XPNPEP3: variants seen among roughly 807,000 people sequenced by gnomAD.
XPNPEP3 encodes X-prolyl aminopeptidase 3.
XPNPEP3 carries 41 observed loss-of-function variants against 60.0 expected under a neutral mutation model. That is an observed-to-expected ratio of 0.68 (90% confidence interval 0.53 to 0.89). The LOEUF (loss-of-function observed/expected upper bound fraction) is 0.89, where lower values mean the gene tolerates loss of function less well. XPNPEP3 is among the 40% of genes least tolerant of loss of function. The probability of loss-of-function intolerance (pLI) is 0.00; values close to 1 mark genes in which losing one functional copy is unlikely to be tolerated. For synonymous variants in XPNPEP3, 212 were observed against 223.2 expected (o/e 0.95, Z 0.45); for missense variants, 598 against 638.9 (o/e 0.94, Z 0.69).
intron 4 of XPNPEP3, among the ~76,000 whole-genome samples, chr22:40,897,854 T>C (rs908108946): frequency 6.6e-6 from 1 of 152,180 alleles, no homozygotes; most frequent in African/African-American, 2.4e-5. Context: ...CAGCATATTT[T>C]CATGTGTTTA....
At chr22:40,906,373 A>G (rs1290948841) in intron 4 of XPNPEP3, among the ~76,000 whole-genome samples, 1 of 151,098 alleles carries the variant, frequency 6.6e-6, no homozygotes, top group Non-Finnish European at 1.5e-5. Flanking sequence ...GTGAGTTCTG[A>G]TCACTCCACT....
chr22:40,922,547 A>G, intron 8 of XPNPEP3, 34 bp downstream of exon 8: 1 of 1,610,256 alleles, frequency 6.2e-7, no homozygotes, highest in Non-Finnish European at 8.5e-7. Flanking sequence ...GTTCTCAAGA[A>G]CACCTAGCAT....
At chr22:40,887,707 A>G (rs1314745434) in intron 4 of XPNPEP3, among the ~76,000 whole-genome samples, 1 of 152,192 alleles carries the variant, frequency 6.6e-6, no homozygotes, top group Admixed American at 6.5e-5. Context: ...GCAACAGACT[A>G]CCTCAGAATC....
intron 4 of XPNPEP3, among the ~76,000 whole-genome samples, chr22:40,895,579 C>G (rs1335939587): frequency 6.6e-6 from 1 of 152,050 alleles, no homozygotes; most frequent in Non-Finnish European, 1.5e-5. Flanking sequence ...AGGTGATCCA[C>G]CCACCTCAGC....
intron 1 of XPNPEP3, among the ~76,000 whole-genome samples, chr22:40,864,899 A>G (rs1000031535): frequency 2.1e-4 from 32 of 152,196 alleles, no homozygotes; most frequent in African/African-American, 4.6e-4. Context: ...CCAAACCCCT[A>G]CTGAAGATGG....
At chr22:40,871,509 CT>C (rs998100777) in intron 2 of XPNPEP3, among the ~76,000 whole-genome samples, 7 of 152,222 alleles carry the variant, frequency 4.6e-5, no homozygotes, top group African/African-American at 1.4e-4. Context: ...ATCTCAATGC[CT>C]TTCCTAATTA....
chr22:40,863,315 T>C (rs1306412152), intron 1 of XPNPEP3, among the ~76,000 whole-genome samples: 1 of 152,234 alleles, frequency 6.6e-6, no homozygotes, highest in African/African-American at 2.4e-5. Context: ...CTACCAGTAG[T>C]CTAGACCCGA....
At chr22:40,869,176 A>G (rs2057993588) in intron 2 of XPNPEP3, 61 bp downstream of exon 2, 2 of 1,413,424 alleles carry the variant, frequency 1.4e-6, no homozygotes, top group African/African-American at 1.4e-5. Context: ...ATGCTATGCA[A>G]TAGAACTTCT....
intron 4 of XPNPEP3, among the ~76,000 whole-genome samples, chr22:40,901,082 T>TCC (rs2058130475): frequency 2.0e-5 from 3 of 151,906 alleles, no homozygotes. Flanking sequence ...TAGTGAGACC[T>TCC]CCTCTCTTTT....
intron 4 of XPNPEP3, 53 bp from the exon 5 acceptor site, chr22:40,907,534 G>A (rs987036285): frequency 2.6e-6 from 4 of 1,556,388 alleles, no homozygotes; most frequent in Non-Finnish European, 3.5e-6. Flanking sequence ...GAATGTTTGA[G>A]TAAGCAACAT....
intron 4 of XPNPEP3, among the ~76,000 whole-genome samples, chr22:40,897,940 T>C (rs2058115496): frequency 6.6e-6 from 1 of 152,138 alleles, no homozygotes; most frequent in Admixed American, 6.6e-5. Flanking sequence ...GGCTGGATTT[T>C]TTTGTTGTTG....
intron 2 of XPNPEP3, among the ~76,000 whole-genome samples, chr22:40,879,271 C>T (rs1458285353): frequency 1.3e-5 from 2 of 152,188 alleles, no homozygotes; most frequent in African/African-American, 4.8e-5. Flanking sequence ...TTATCACTCT[C>T]TCTTATTTCT....
chr22:40,877,899 T>C (rs1034823969), intron 2 of XPNPEP3, among the ~76,000 whole-genome samples: 5 of 152,196 alleles, frequency 3.3e-5, no homozygotes, highest in Admixed American at 3.3e-4. Context: ...TGGAAAGGTT[T>C]CTTTTTTCTT....
Position 40,926,342 on chromosome 22 carries a change from T to C in XPNPEP3, c.1431T>C (p.Asp477=). The change falls in exon 10 of 10, where the codon GAT becomes GAC. Residue 477 remains aspartate (D), a synonymous_variant. Coordinates refer to ENST00000357137, the MANE Select transcript of XPNPEP3 (RefSeq NM_022098.4). ...GTCTTGGTGTACGAATTGAGGATGATGTAGTGGTGACTCAGGACTCACCTC... is the reference window on the plus strand; with the variant it reads ...GTCTTGGTGTACGAATTGAGGATGACGTAGTGGTGACTCAGGACTCACCTC... ...FRGLGVRIED[D]VVVTQDSPLI... is the part of the protein sequence containing the mutation. The C allele has an allele frequency of 2.5e-6, 4 of 1,614,156 alleles. No homozygotes were observed. The highest frequency in any genetic ancestry group is 3.4e-6 in the Non-Finnish European group (4 of 1,180,034).
Position 40,928,042 on chromosome 22 carries a change from C to G in XPNPEP3, c.*1607C>G, listed in dbSNP as rs879168498. On this transcript the variant is annotated 3_prime_UTR_variant, in exon 10 of 10. Coordinates refer to ENST00000357137, the MANE Select transcript of XPNPEP3 (RefSeq NM_022098.4). ...TACCCTGTCAGAGTCACAGTAGTAG[C>G]GCCCAGTTTTCAGAGAAGTACCCCT... 1 of 145,020 alleles carries G rather than the reference C, an allele frequency of 6.9e-6. No homozygotes were observed. Among genetic ancestry groups the G allele is most frequent in the Non-Finnish European group, 1.5e-5 (1 of 67,984 alleles). The allele number at this position is 145,020 out of a possible 1,614,324, so 9.0% of individuals were successfully genotyped here.
intron 4 of XPNPEP3, among the ~76,000 whole-genome samples, chr22:40,903,325 ATATGT>A (rs1312773740): frequency 1.3e-5 from 2 of 151,890 alleles, no homozygotes; most frequent in East Asian, 1.9e-4. Flanking sequence ...ACCATTCCTC[ATATGT>A]TATATTTCCC....
At chr22:40,894,950 A>T (rs1052664372) in intron 4 of XPNPEP3, among the ~76,000 whole-genome samples, 2 of 152,204 alleles carry the variant, frequency 1.3e-5, no homozygotes, top group African/African-American at 2.4e-5. Flanking sequence ...CCCAAATAAT[A>T]GGGCTTTTGT....
chr22:40,894,220 T>C (rs567988901), intron 4 of XPNPEP3, among the ~76,000 whole-genome samples: 1 of 152,226 alleles, frequency 6.6e-6, no homozygotes, highest in African/African-American at 2.4e-5. Flanking sequence ...TTTCATAAGT[T>C]CTTTACTCCA....
chr22:40,909,987 T>C (rs867278607), intron 6 of XPNPEP3, among the ~76,000 whole-genome samples: 6 of 151,956 alleles, frequency 3.9e-5, no homozygotes, highest in South Asian at 4.1e-4. Context: ...AGGGAACATA[T>C]CTTCTATGAT....
Sources: allele counts gnomAD v4.1 joint callset (sites outside exome capture counted in the v4.1 genomes callset), GRCh38; gene constraint gnomAD v4.1.1; transcripts MANE v1.5; gene names NCBI Gene and HGNC (gene_info 2026-07-23, HGNC 2026-07-21).